Variants in MMEL1 observed in about 807,000 individuals in gnomAD.
The protein encoded by MMEL1 is membrane metallo-endopeptidase-like 1.
A neutral mutation model predicts 117.1 loss-of-function variants in MMEL1; 98 were observed. That is an observed-to-expected ratio of 0.84 (90% CI 0.71 to 0.99). MMEL1 has a LOEUF of 0.99. Among genes scored for constraint, MMEL1 ranks in the 50% least tolerant of loss-of-function variants. The probability of loss-of-function intolerance (pLI) is 0.00; values close to 1 mark genes in which losing one functional copy is unlikely to be tolerated. For synonymous variants in MMEL1, 390 were observed against 415.1 expected, an observed-to-expected ratio of 0.94 and a Z score of 0.74; for missense variants, 1,014 against 1,049.1, an observed-to-expected ratio of 0.97 and a Z score of 0.46.
Position 2,627,178 on chromosome 1 carries a change from G to C in MMEL1, c.154+2153C>G, listed in dbSNP as rs56224921. On this transcript the variant is annotated intron_variant, in intron 2 of 23. Transcript: ENST00000378412. ...AGTGAAAGATATATTAACTTCATAT[G>C]TGTATCTTACTACAATATTAAATTT... Among the ~76,000 whole-genome samples the C allele has an allele frequency of 6.4e-3, 981 of 152,366 alleles. 18 individuals are homozygous for C. The highest frequency in any genetic ancestry group is 0.022 in the African/African-American group (923 of 41,580).
At chr1:2,608,013 G>A (rs1206147385) in intron 6 of MMEL1, among the ~76,000 whole-genome samples, 1 of 152,118 alleles carries the variant, frequency 6.6e-6, no homozygotes, top group Admixed American at 6.5e-5. Flanking sequence ...ACATGGTCTG[G>A]CCCCTGCCGT....
chr1:2,609,876 G>A (rs919704376), intron 4 of MMEL1, 45 bp from the exon 5 acceptor site: 2 of 1,571,182 alleles, frequency 1.3e-6, no homozygotes, highest in Admixed American at 1.8e-5. Flanking sequence ...GAGACAGAGA[G>A]AGTTGTGGAC....
In MMEL1 at chr1:2,629,374, G is replaced by T; in HGVS notation, c.111C>A (p.Thr37=). ...GGACACCCAAGGCCACCAGGGCAGCGGTCACCAGCAGCAGCAGCAGCAGCA... is the reference window on the plus strand; with the variant it reads ...GGACACCCAAGGCCACCAGGGCAGCTGTCACCAGCAGCAGCAGCAGCAGCA... ...GGLLLLLLLV[T]AALVALGVLY... The change falls in exon 2 of 24, where the codon ACC becomes ACA. Residue 37 remains threonine (T), a synonymous_variant. Transcript: ENST00000378412. The T allele has an allele frequency of 6.5e-7, 1 of 1,545,208 alleles. No homozygotes were observed. Among genetic ancestry groups the T allele is most frequent in the Non-Finnish European group, 8.7e-7 (1 of 1,146,234 alleles).
intron 4 of MMEL1, among the ~76,000 whole-genome samples, chr1:2,610,229 G>C (rs781381419): frequency 1.1e-4 from 17 of 152,024 alleles, no homozygotes; most frequent in Non-Finnish European, 2.5e-4. Flanking sequence ...ATTTATTTTA[G>C]AACAGGGTCT....
intron 6 of MMEL1, among the ~76,000 whole-genome samples, chr1:2,608,355 GC>G (rs1645063332): frequency 2.0e-5 from 3 of 152,232 alleles, no homozygotes; most frequent in African/African-American, 4.8e-5. Context: ...ACGGTGCTGG[GC>G]CGGGGGTGCT....
intron 11 of MMEL1, among the ~76,000 whole-genome samples, chr1:2,601,370 G>A (rs901356160): frequency 3.3e-5 from 5 of 152,030 alleles, no homozygotes; most frequent in Non-Finnish European, 4.4e-5. Flanking sequence ...CTCACAGGGG[G>A]CTCTTTTTAA....
intron 21 of MMEL1, 75 bp from the exon 22 acceptor site, chr1:2,592,102 C>CTCTGCCCTG: frequency 7.7e-7 from 1 of 1,302,038 alleles, no homozygotes; most frequent in Non-Finnish European, 1.1e-6. Flanking sequence ...CAGGGCAGAG[C>CTCTGCCCTG]AGAGGTCTGG....
rs144447129 is a variant in MMEL1 at position 2,595,973 on chromosome 1, C to T, written c.1500+36G>A. On this transcript the variant is annotated intron_variant, in intron 15 of 23. Transcript: ENST00000378412. The surrounding 1 kb of genome is among the most constrained non-coding windows in gnomAD (Gnocchi z 4.8). ...GGGCGGTGCTGCCCGTGCCCAGATC[C>T]AGTCGGGGCTGCCCTGACCTCTGCG... The T allele has an allele frequency of 1.1e-4, 171 of 1,566,386 alleles. No individual in the cohort carries two copies. Among genetic ancestry groups the T allele is most frequent in the Middle Eastern group, 1.0e-3 (6 of 5,974 alleles).
At chr1:2,611,430 T>G in intron 3 of MMEL1, 90 bp from the exon 4 acceptor site, 2 of 371,216 alleles carry the variant, frequency 5.4e-6, no homozygotes, top group African/African-American at 3.5e-5. Context: ...GTCTGGTGGG[T>G]GTGGCATGGG....
intron 7 of MMEL1, 148 bp from the exon 8 acceptor site, chr1:2,606,514 G>A (rs1645031505): frequency 1.6e-6 from 1 of 627,416 alleles, no homozygotes; most frequent in East Asian, 2.7e-5. Flanking sequence ...GGGGGATGTG[G>A]GAGACACTTT....
rs528864865 is a variant in MMEL1, at chr1:2,592,757, C to T, written c.2002-37G>A. The T allele has an allele frequency of 1.4e-5, 22 of 1,610,450 alleles. No homozygotes were observed. In the East Asian group the frequency reaches 4.5e-4, roughly 33 times the overall value. ...AGACAGGATTGGGGCAGCCCCGGCC[C>T]TGACTTCCCTCTCCCTCAGGGCCAG... On this transcript the variant is annotated intron_variant, in intron 20 of 23. Transcript: ENST00000378412.
chr1:2,594,688 C>T, intron 17 of MMEL1, 102 bp downstream of exon 17: 1 of 1,064,662 alleles, frequency 9.4e-7, no homozygotes, highest in Non-Finnish European at 1.4e-6. Flanking sequence ...GGCACTGGAC[C>T]CCAGCCACGC....
Position 2,609,775 on chromosome 1 carries a change from G to T in MMEL1, c.349C>A (p.Gln117Lys). 1 of 1,613,854 alleles carries T rather than the reference G, an allele frequency of 6.2e-7. No individual in the cohort carries two copies. The highest frequency in any genetic ancestry group is 8.5e-7 in the Non-Finnish European group (1 of 1,179,960). Reference sequence around the variant, plus strand: ...CGCAGCCAGCCTCCGCATGCAAACTGGTAGAAGTCGTCACACGGTTCCGTG... The same window carrying T: ...CGCAGCCAGCCTCCGCATGCAAACTTGTAGAAGTCGTCACACGGTTCCGTG... ...PTTEPCDDFY[Q>K]FACGGWLRRH... Residue 117 changes from glutamine (Q) to lysine (K), a missense_variant, in exon 5 of 24, where the codon CAG (glutamine) becomes AAG (lysine). Gln to Lys is a moderately conservative substitution (Grantham distance 53). Transcript: ENST00000378412.
chr1:2,593,115 A>G, intron 19 of MMEL1, 149 bp from the exon 20 acceptor site: 1 of 1,024,022 alleles, frequency 9.8e-7, no homozygotes, highest in Non-Finnish European at 1.4e-6. Context: ...AGCCTGGAAG[A>G]GCATCGCGGG....
At chr1:2,598,991 G>A (rs1248478601) in intron 11 of MMEL1, among the ~76,000 whole-genome samples, 1 of 152,128 alleles carries the variant, frequency 6.6e-6, no homozygotes, top group Non-Finnish European at 1.5e-5. Flanking sequence ...AGATATATGC[G>A]AAAGCCTAAG....
chr1:2,608,802 A>G (rs1645074825), intron 6 of MMEL1, among the ~76,000 whole-genome samples: 1 of 152,132 alleles, frequency 6.6e-6, no homozygotes, highest in Non-Finnish European at 1.5e-5. Flanking sequence ...ATGCATATAC[A>G]TATACACATA....
intron 2 of MMEL1, among the ~76,000 whole-genome samples, chr1:2,620,903 C>T (rs1645279819): frequency 6.6e-6 from 1 of 152,118 alleles, no homozygotes; most frequent in South Asian, 2.1e-4. Flanking sequence ...AAAACGAGTT[C>T]AGGCCATGAT....
intron 11 of MMEL1, among the ~76,000 whole-genome samples, chr1:2,603,139 CCA>C (rs1644961307): frequency 6.6e-6 from 1 of 152,204 alleles, no homozygotes; most frequent in Non-Finnish European, 1.5e-5. Context: ...GAGGCTCTCC[CCA>C]GAGTCTCTCT....
At position 2,595,225 on chromosome 1, in the gene MMEL1, G is replaced by A. The variant is rs1278108978; in HGVS notation, c.1584+51C>T. The A allele has an allele frequency of 6.6e-7, 1 of 1,525,190 alleles. No homozygotes were observed. The allele number at this position is 1,525,190 out of a possible 1,614,324, so 94.5% of individuals were successfully genotyped here. ...ACAGAGGAGCCCCCAGGCAATCAGG[G>A]CCCATGTCCACGGTGTGGGGGGCAG... On this transcript the variant is annotated intron_variant, in intron 16 of 23. Transcript: ENST00000378412. This position sits in a 1 kb window ranked among gnomAD's most constrained non-coding sequence, Gnocchi z 4.8.
Sources: gnomAD v4.1 joint callset for allele counts (sites outside exome capture counted in the v4.1 genomes callset) on GRCh38, gnomAD v4.1.1 for gene constraint, Gnocchi (gnomAD v3.1) non-coding constraint, MANE v1.5 for transcripts, NCBI Gene and HGNC (gene_info 2026-07-23, HGNC 2026-07-21) for gene names.